Variants in MACROD2 observed in about 807,000 individuals in gnomAD.
MACROD2 encodes ADP-ribose glycohydrolase MACROD2.
A neutral mutation model predicts 70.4 loss-of-function variants in MACROD2; 36 were observed. That is an observed-to-expected ratio of 0.51 (90% CI 0.39 to 0.68). The LOEUF is 0.68. Ranked by LOEUF, MACROD2 falls within the 30% of genes least tolerant of loss-of-function variation. MACROD2 has a pLI of 0.00. For synonymous variants in MACROD2, 172 were observed against 178.8 expected (o/e 0.96, Z 0.30); for missense variants, 496 against 538.4 (o/e 0.92, Z 0.78).
intron 5 of MACROD2, among the ~76,000 whole-genome samples, chr20:14,729,667 T>TTG (rs2071571018): frequency 6.6e-6 from 1 of 152,114 alleles, no homozygotes; most frequent in Admixed American, 6.6e-5. Context: ...AATATTTACT[T>TTG]TAAGGTTCTC....
chr20:14,051,628 A>G (rs1470147531), intron 2 of MACROD2, among the ~76,000 whole-genome samples: 1 of 152,228 alleles, frequency 6.6e-6, no homozygotes, highest in Non-Finnish European at 1.5e-5. Flanking sequence ...TAATAATAGT[A>G]TCAACCCATC....
At chr20:14,111,219 A>G (rs1182893429) in intron 3 of MACROD2, among the ~76,000 whole-genome samples, 2 of 152,032 alleles carry the variant, frequency 1.3e-5, no homozygotes, top group Admixed American at 1.3e-4. Context: ...CAAAAGTCAA[A>G]CCAAAATGGA....
rs1329217856 is a variant in MACROD2 at position 14,754,199 on chromosome 20, A to G, written c.418+69240A>G. On this transcript the variant is annotated intron_variant, in intron 5 of 17. Coordinates refer to ENST00000684519, the MANE Select transcript of MACROD2 (RefSeq NM_001351661.2). ...AAATAATATGGTACCCTTGGCAAAT[A>G]GAATGGTCATCATGGAGATGGACAT... 2.0e-5 allele frequency among the ~76,000 whole-genome samples: 3 copies of G among 152,174 alleles called. No individual in the cohort carries two copies. The East Asian group carries it at 5.8e-4, about 29-fold the overall frequency.
At chr20:15,776,952 A>T (rs2051731754) in intron 8 of MACROD2, among the ~76,000 whole-genome samples, 1 of 152,206 alleles carries the variant, frequency 6.6e-6, no homozygotes, top group Admixed American at 6.5e-5. Context: ...AAAGAATGCG[A>T]CTGTTGAGAG....
At chr20:15,485,914 C>T (rs1327623473) in intron 7 of MACROD2, among the ~76,000 whole-genome samples, 1 of 152,080 alleles carries the variant, frequency 6.6e-6, no homozygotes, top group African/African-American at 2.4e-5. Flanking sequence ...GCAATTATTG[C>T]ATGAATCGCA....
intron 5 of MACROD2, among the ~76,000 whole-genome samples, chr20:15,013,801 C>T (rs773934377): frequency 1.3e-5 from 2 of 152,206 alleles, no homozygotes; most frequent in African/African-American, 2.4e-5. Context: ...GCCCAACCTA[C>T]AACACCAAGA....
At chr20:14,111,518 A>C (rs903552382) in intron 3 of MACROD2, among the ~76,000 whole-genome samples, 5 of 152,068 alleles carry the variant, frequency 3.3e-5, no homozygotes, top group Non-Finnish European at 7.4e-5. Flanking sequence ...ATAGGAAAAA[A>C]ATATAATAAT....
intron 8 of MACROD2, among the ~76,000 whole-genome samples, chr20:15,769,367 G>A (rs777677874): frequency 4.6e-5 from 7 of 151,984 alleles, no homozygotes; most frequent in South Asian, 2.1e-4. Context: ...GGCTGGTCTC[G>A]AACTCCGAAC....
intron 5 of MACROD2, among the ~76,000 whole-genome samples, chr20:15,105,426 T>A (rs1343526024): frequency 6.6e-6 from 1 of 152,120 alleles, no homozygotes; most frequent in Admixed American, 6.6e-5. Flanking sequence ...TGGGTCAAAT[T>A]CCTACAACCT....
At chr20:15,052,626 T>A (rs926223567) in intron 5 of MACROD2, among the ~76,000 whole-genome samples, 1 of 152,206 alleles carries the variant, frequency 6.6e-6, no homozygotes, top group Admixed American at 6.5e-5. Flanking sequence ...TGACCTGTCA[T>A]TCCCCTGTCT....
chr20:15,868,027 A>T (rs1434269108), intron 9 of MACROD2, among the ~76,000 whole-genome samples: 1 of 152,192 alleles, frequency 6.6e-6, no homozygotes, highest in African/African-American at 2.4e-5. Flanking sequence ...AGTGCACAGT[A>T]CAGCACCCTC....
intron 5 of MACROD2, among the ~76,000 whole-genome samples, chr20:14,810,120 G>A (rs1271314124): frequency 6.6e-6 from 1 of 152,046 alleles, no homozygotes; most frequent in Non-Finnish European, 1.5e-5. Context: ...CCAAAACCTG[G>A]CAGAGACACA....
At chr20:15,046,551 A>G (rs965136379) in intron 5 of MACROD2, among the ~76,000 whole-genome samples, 9 of 152,216 alleles carry the variant, frequency 5.9e-5, no homozygotes, top group Non-Finnish European at 1.0e-4. Context: ...GTGTGCGCAC[A>G]CACACATGCA....
At chr20:15,302,361 T>TACAC (rs540749514) in intron 6 of MACROD2, among the ~76,000 whole-genome samples, 10 of 136,546 alleles carry the variant, frequency 7.3e-5, no homozygotes, top group South Asian at 2.3e-4. Flanking sequence ...GCAGATAAAA[T>TACAC]ACACACACAC....
At chr20:15,139,920 T>C (rs1156755350) in intron 5 of MACROD2, among the ~76,000 whole-genome samples, 2 of 152,202 alleles carry the variant, frequency 1.3e-5, no homozygotes, top group Non-Finnish European at 2.9e-5. Flanking sequence ...CCAGAGAGAC[T>C]GCGATGCAGT....
intron 2 of MACROD2, chr20:14,003,782 A>T: frequency 1.3e-5 from 2 of 157,718 alleles, no homozygotes; most frequent in South Asian, 4.4e-5. Context: ...ACAAAGGTTA[A>T]AAAAAAAAAA....
chr20:14,028,138 T>C (rs2053197919), intron 2 of MACROD2, among the ~76,000 whole-genome samples: 1 of 152,184 alleles, frequency 6.6e-6, no homozygotes, highest in South Asian at 2.1e-4. Flanking sequence ...AGAGAGGCAG[T>C]ATGGCTACAG....
intron 6 of MACROD2, among the ~76,000 whole-genome samples, chr20:15,336,260 T>C (rs923095998): frequency 3.3e-5 from 5 of 151,272 alleles, no homozygotes; most frequent in Admixed American, 3.3e-4. Context: ...TGAAGCTCAG[T>C]AGGTGGAGGC....
intron 2 of MACROD2, among the ~76,000 whole-genome samples, chr20:14,049,821 C>A (rs560581956): frequency 2.0e-5 from 3 of 152,020 alleles, no homozygotes; most frequent in South Asian, 2.1e-4. Flanking sequence ...CGGTGGCTCA[C>A]GCCTGTAATC....
Sources: allele counts gnomAD v4.1 joint callset (sites outside exome capture counted in the v4.1 genomes callset), GRCh38; gene constraint gnomAD v4.1.1; transcripts MANE v1.5; gene names NCBI Gene and HGNC (gene_info 2026-07-23, HGNC 2026-07-21).